Variants in IL33 observed in about 807,000 individuals in gnomAD.
IL33 encodes the protein interleukin 33, also known as interleukin-33.
Under a neutral mutation model 27.3 loss-of-function variants are expected in IL33, and 37 were observed. That is an observed-to-expected ratio of 1.36 (90% CI 1.04 to 1.78). The LOEUF is 1.78. Among genes scored for constraint, IL33 ranks in the 40% most tolerant of loss-of-function variants. The probability of loss-of-function intolerance (pLI) is 0.00; values close to 1 mark genes in which losing one functional copy is unlikely to be tolerated. For missense variants in IL33, 406 were observed against 311.4 expected, an observed-to-expected ratio of 1.30 and a Z score of -2.29; for synonymous variants, 132 against 102.9, an observed-to-expected ratio of 1.28 and a Z score of -1.71.
At position 6,252,892 on chromosome 9, in the gene IL33, G is replaced by C; in HGVS notation, c.370G>C (p.Ala124Pro). 1.2e-6 allele frequency: 2 copies of C among 1,608,380 alleles called. No homozygotes were observed. Among genetic ancestry groups the C allele is most frequent in the Middle Eastern group, 1.7e-4 (1 of 6,040 alleles). The change falls in exon 5 of 8, where the codon GCT becomes CCT. Residue 124 changes from alanine (A) to proline (P), a missense_variant. Coordinates refer to ENST00000682010, the MANE Select transcript of IL33 (RefSeq NM_033439.4). ...TGISPITEYLASLSTYNDQSI... is the reference protein window; with the variant it reads ...TGISPITEYLPSLSTYNDQSI... ...AATTTCACCTATTACAGAGTATCTT[G>C]CTTCTCTAAGCACATACAATGATCA...
chr9:6,231,358 C>G (rs1818919774), intron 1 of IL33, among the ~76,000 whole-genome samples: 1 of 152,184 alleles, frequency 6.6e-6, no homozygotes, highest in Non-Finnish European at 1.5e-5. Context: ...GCCCGCTCTG[C>G]TCCAGCCACA....
chr9:6,232,308 C>T lies in IL33; in HGVS notation c.-11-9376C>T, dbSNP rs1345770179. On this transcript the variant is annotated intron_variant, in intron 1 of 7. Transcript: ENST00000682010. ...ATTTCTTCAGCCAAAGAGAAAACTA[C>T]GCAAATTTGCATCTTTGAAAATGAA... 3.9e-5 allele frequency among the ~76,000 whole-genome samples: 6 copies of T among 152,274 alleles called. No homozygotes were observed. The East Asian group carries it at 5.8e-4, about 15-fold the overall frequency.
intron 1 of IL33, among the ~76,000 whole-genome samples, chr9:6,231,524 T>A (rs185615754): frequency 1.2e-4 from 18 of 152,328 alleles, no homozygotes; most frequent in Non-Finnish European, 2.5e-4. Context: ...ACTACCTTAG[T>A]ACCATTCTAC....
chr9:6,216,119 CTTTAT>C (rs61541273), intron 1 of IL33, among the ~76,000 whole-genome samples: 14,948 of 151,882 alleles, frequency 0.098, 901 homozygotes, highest in African/African-American at 0.17. Context: ...CTCCATGAAA[CTTTAT>C]TTTATTTTAT....
intron 2 of IL33, among the ~76,000 whole-genome samples, chr9:6,249,414 C>A (rs1406053998): frequency 6.6e-6 from 1 of 152,082 alleles, no homozygotes; most frequent in African/African-American, 2.4e-5. Context: ...AATTCATTTA[C>A]TACATAATGT....
Position 6,254,476 on chromosome 9 carries a change from G to T in IL33, c.535G>T (p.Gly179Cys). The T allele has an allele frequency of 6.3e-7, 1 of 1,584,898 alleles. No homozygotes were observed. ...PSNESGDGVDGKMLMVTLSPT... is the reference protein window; with the variant it reads ...PSNESGDGVDCKMLMVTLSPT... ...TTAATTGTAAGGTGACGGTGTTGAT[G>T]GTAAGATGTTAATGGTAACCCTGAG... The change falls in exon 7 of 8, where the codon GGT (glycine) becomes TGT (cysteine). Residue 179 changes from glycine to cysteine, a missense_variant. By Grantham distance (159) the Gly-to-Cys change is radical. Transcript: ENST00000682010.
At chr9:6,219,030 G>A (rs953690515) in intron 1 of IL33, among the ~76,000 whole-genome samples, 6 of 148,236 alleles carry the variant, frequency 4.0e-5, no homozygotes, top group African/African-American at 1.5e-4. Context: ...CAAAATCAAT[G>A]TATCTTTCAT....
At chr9:6,248,604 G>A (rs1037856605) in intron 2 of IL33, among the ~76,000 whole-genome samples, 4 of 151,130 alleles carry the variant, frequency 2.6e-5, no homozygotes, top group Admixed American at 6.6e-5. Flanking sequence ...AGACAGGGTC[G>A]CACTCTGTCA....
chr9:6,257,332 T>C lies in IL33; in HGVS notation c.*1164T>C, dbSNP rs1816793991. Reference sequence around the variant, plus strand: ...TTGACATCTGTCTCTTTTCATTTCTTTTAACTACCATGCCCTTGATATATC... The same window carrying C: ...TTGACATCTGTCTCTTTTCATTTCTCTTAACTACCATGCCCTTGATATATC... On this transcript the variant is annotated 3_prime_UTR_variant, in exon 8 of 8. Transcript: ENST00000682010. 6.6e-6 allele frequency: 1 copy of C among 152,426 alleles called. No homozygotes were observed. The highest frequency in any genetic ancestry group is 6.5e-5 in the Admixed American group (1 of 15,270). The allele number at this position is 152,426 out of a possible 1,614,324, so 9.4% of individuals were successfully genotyped here.
At chr9:6,241,645 T>G (rs1819534071) in intron 1 of IL33, 39 bp from the exon 2 acceptor site, 2 of 1,298,550 alleles carry the variant, frequency 1.5e-6, no homozygotes, top group South Asian at 1.3e-5. Context: ...TGTTTTTAAG[T>G]TGAGACAAAT....
intron 1 of IL33, 67 bp from the exon 2 acceptor site, chr9:6,241,617 G>A (rs1819532170): frequency 1.1e-6 from 1 of 892,606 alleles, no homozygotes. Context: ...TAGTGAGCTA[G>A]CCACAGTTGT....
intron 1 of IL33, among the ~76,000 whole-genome samples, chr9:6,218,731 A>G (rs1165440018): frequency 2.6e-5 from 3 of 115,724 alleles, no homozygotes; most frequent in African/African-American, 8.9e-5. Context: ...TATGTTCTCC[A>G]TATATATATA....
At chr9:6,216,925 AG>A (rs1818171797) in intron 1 of IL33, among the ~76,000 whole-genome samples, 1 of 152,214 alleles carries the variant, frequency 6.6e-6, no homozygotes, top group Non-Finnish European at 1.5e-5. Context: ...ATGGCATGGC[AG>A]TGAAGAGTTT....
intron 5 of IL33, 76 bp downstream of exon 5, chr9:6,253,067 T>A: frequency 9.8e-7 from 1 of 1,024,902 alleles, no homozygotes; most frequent in Non-Finnish European, 1.4e-6. Flanking sequence ...TCTACCAAAC[T>A]TTAAACAATG....
chr9:6,251,374 C>T, intron 4 of IL33, 109 bp downstream of exon 4: 2 of 1,497,570 alleles, frequency 1.3e-6, no homozygotes, highest in East Asian at 2.3e-5. Context: ...TTAATGTGTA[C>T]CAGAAACTTC....
In IL33 at chr9:6,251,167, T is replaced by A. The variant is rs748893394; in HGVS notation, c.245T>A (p.Leu82His). 3 of 1,613,952 alleles carry A rather than the reference T, an allele frequency of 1.9e-6. No individual in the cohort carries two copies. The South Asian group carries it at 3.3e-5, about 18-fold the overall frequency. ...TGRKHKRHLV[L>H]AACQQQSTVE... ...AGAAAGCACAAAAGACATCTGGTAC[T>A]CGCTGCCTGTCAACAGCAGTCTACT... The change falls in exon 4 of 8, where the codon CTC (leucine) becomes CAC (histidine). Residue 82 changes from leucine to histidine, a missense_variant. By Grantham distance (99) the Leu-to-His change is moderately conservative. Coordinates refer to ENST00000682010, the MANE Select transcript of IL33 (RefSeq NM_033439.4).
At chr9:6,232,228 T>C (rs546732061) in intron 1 of IL33, among the ~76,000 whole-genome samples, 99 of 152,270 alleles carry the variant, frequency 6.5e-4, no homozygotes, top group Middle Eastern at 6.8e-3. Flanking sequence ...GTGGAATACA[T>C]AGTCCTTGGC....
intron 2 of IL33, among the ~76,000 whole-genome samples, chr9:6,244,402 G>C (rs1263244211): frequency 6.6e-6 from 1 of 152,084 alleles, no homozygotes; most frequent in Non-Finnish European, 1.5e-5. Flanking sequence ...ACAATGGATA[G>C]TAATGAACCC....
intron 5 of IL33, 134 bp from the exon 6 acceptor site, chr9:6,253,418 C>A: frequency 3.4e-6 from 2 of 583,862 alleles, no homozygotes; most frequent in African/African-American, 3.7e-5. Flanking sequence ...AGACCTTTCT[C>A]AAAACCACAA....
Sources: allele counts gnomAD v4.1 joint callset (sites outside exome capture counted in the v4.1 genomes callset), GRCh38; gene constraint gnomAD v4.1.1; transcripts MANE v1.5; gene names NCBI Gene and HGNC (gene_info 2026-07-23, HGNC 2026-07-21).